The following SLC26A6 variants were observed in gnomAD, a reference collection of about 807,000 sequenced individuals.
SLC26A6 encodes the protein anion exchange transporter.
A neutral mutation model predicts 87.1 loss-of-function variants in SLC26A6; 67 were observed. That is an observed-to-expected ratio of 0.77 (90% CI 0.63 to 0.94). The LOEUF (loss-of-function observed/expected upper bound fraction) is 0.94. Among genes scored for constraint, SLC26A6 ranks in the 40% least tolerant of loss-of-function variants. The pLI, the probability that SLC26A6 is intolerant of heterozygous loss-of-function variation, is 0.00. For synonymous variants in SLC26A6, 414 were observed against 405.9 expected (o/e 1.02, Z -0.24); for missense variants, 902 against 973.0 (o/e 0.93, Z 0.97).
In SLC26A6 at chr3:48,632,057, CA is replaced by C; in HGVS notation, c.586-14del. 1.2e-6 allele frequency: 2 copies of C among 1,612,306 alleles called. No individual in the cohort carries two copies. Among genetic ancestry groups the C allele is most frequent in the Non-Finnish European group, 8.5e-7 (1 of 1,179,350 alleles). ...GGCCCAGCCCCACCTGTGGGGCGGCCAGGGGCAGTCAGGAGAGGCAGGGGTC... is the reference window on the plus strand; with the variant it reads ...GGCCCAGCCCCACCTGTGGGGCGGCCGGGGCAGTCAGGAGAGGCAGGGGTC... On this transcript the variant is annotated splice_polypyrimidine_tract_variant and intron_variant, in intron 5 of 20. Transcript: ENST00000395550.
Position 48,631,772 on chromosome 3 carries a change from G to C in SLC26A6, c.780C>G (p.Pro260=), listed in dbSNP as rs766126229. 1 of 1,613,504 alleles carries C rather than the reference G, an allele frequency of 6.2e-7. No individual in the cohort carries two copies. Among genetic ancestry groups the C allele is most frequent in the Non-Finnish European group, 8.5e-7 (1 of 1,180,000 alleles). The change falls in exon 7 of 21, where the codon CCC becomes CCG. Residue 260 remains proline (P), a synonymous_variant. Coordinates refer to ENST00000395550, the MANE Select transcript of SLC26A6 (RefSeq NM_022911.3). ...YTVLEVCWKL[P]QSKVGTVVTA... ...TGACCACGGTGCCAACCTTGCTCTG[G>C]GGCAGCTTCCAGCAGACCTCCAGCA... is the stretch of plus-strand genomic sequence containing the variant.
intron 12 of SLC26A6, 28 bp downstream of exon 12, chr3:48,630,034 C>G: frequency 1.2e-6 from 2 of 1,613,500 alleles, no homozygotes; most frequent in East Asian, 4.5e-5. Flanking sequence ...GCTGCCCAGT[C>G]CCTGCCCTGG....
intron 17 of SLC26A6, 133 bp from the exon 18 acceptor site, chr3:48,627,188 G>GGA: frequency 9.4e-7 from 1 of 1,067,398 alleles, no homozygotes; most frequent in Non-Finnish European, 1.4e-6. Context: ...AAACATGCGG[G>GGA]AGTCACATAG....
At chr3:48,627,140 G>GCTCCCCATCTGACCTTGC in intron 17 of SLC26A6, 85 bp from the exon 18 acceptor site, 1 of 1,492,212 alleles carries the variant, frequency 6.7e-7, no homozygotes, top group Non-Finnish European at 9.1e-7. Context: ...GAACACGCAA[G>GCTCCCCATCTGACCTTGC]GTCAGATGGG....
intron 17 of SLC26A6, 123 bp downstream of exon 17, chr3:48,627,823 C>T: frequency 2.4e-6 from 2 of 839,000 alleles, no homozygotes; most frequent in Non-Finnish European, 3.6e-6. Context: ...CCCACTCCTC[C>T]TGCCATCGGC....
intron 4 of SLC26A6, chr3:48,632,683 A>C (rs1166645267): frequency 2.9e-6 from 2 of 683,724 alleles, no homozygotes; most frequent in Admixed American, 2.0e-5. Context: ...GGAGTAGGGA[A>C]GGGGTCAGGG....
At position 48,633,088 on chromosome 3, in the gene SLC26A6, G is replaced by A. The variant is rs372513752; in HGVS notation, c.323-4C>T. ...GCCAGGAGGGCGTAGGCCAAGCCTA[G>A]GGGTAGAATGGTAGCAGTGCAGGCC... On this transcript the variant is annotated splice_region_variant and splice_polypyrimidine_tract_variant and intron_variant, in intron 3 of 20. Transcript: ENST00000395550. 6.2e-7 allele frequency: 1 copy of A among 1,610,282 alleles called. No individual in the cohort carries two copies. The highest frequency in any genetic ancestry group is 8.5e-7 in the Non-Finnish European group (1 of 1,178,280).
Position 48,631,008 on chromosome 3 carries a change from C to G in SLC26A6, c.1119G>C (p.Arg373=), listed in dbSNP as rs773786866. 1.2e-6 allele frequency: 2 copies of G among 1,613,758 alleles called. No homozygotes were observed. Among genetic ancestry groups the G allele is most frequent in the Non-Finnish European group, 1.7e-6 (2 of 1,180,002 alleles). ...TCACCCAGACCTGGTTGCTGTCCAC[C>G]CGGTAGCCGTGCCTCAGGGCGAAGA... ...GKIFALRHGY[R]VDSNQELVAL... is the part of the protein sequence containing the mutation. The change falls in exon 9 of 21, where the codon CGG becomes CGC. Residue 373 remains arginine, a synonymous_variant. Coordinates refer to ENST00000395550, the MANE Select transcript of SLC26A6 (RefSeq NM_022911.3).
chr3:48,630,873 A>G (rs2106661793), intron 9 of SLC26A6, 120 bp downstream of exon 9: 3 of 1,533,820 alleles, frequency 2.0e-6, no homozygotes, highest in East Asian at 2.3e-5. Flanking sequence ...TCCCACCCTC[A>G]GTCCCCCACG....
chr3:48,631,519 C>A lies in SLC26A6; in HGVS notation c.903+130G>T, dbSNP rs1329473790. ...ACCAACATAGGGGCTTTCTGCTGTG[C>A]CCCCCACAATACCCAAGAACCCTCC... On this transcript the variant is annotated intron_variant, in intron 7 of 20. Transcript: ENST00000395550. The A allele has an allele frequency of 2.4e-6, 3 of 1,252,620 alleles. No individual in the cohort carries two copies. The East Asian group carries it at 7.6e-5, about 32-fold the overall frequency. 77.6% of individuals were successfully genotyped at this position (1,252,620 alleles called of 1,614,324 possible).
In SLC26A6 at chr3:48,631,975, T is replaced by G; in HGVS notation, c.655A>C (p.Thr219Pro). 2 of 1,613,434 alleles carry G rather than the reference T, an allele frequency of 1.2e-6. No homozygotes were observed. The highest frequency in any genetic ancestry group is 1.7e-6 in the Non-Finnish European group (2 of 1,180,006). The change falls in exon 6 of 21, where the codon ACC becomes CCC. Residue 219 changes from threonine (T) to proline (P), a missense_variant. By Grantham distance (38) the Thr-to-Pro change is conservative. Coordinates refer to ENST00000395550, the MANE Select transcript of SLC26A6 (RefSeq NM_022911.3). ...YLSEPLVRGYTTAAAVQVFVS... is the reference protein window; with the variant it reads ...YLSEPLVRGYPTAAAVQVFVS... ...AAGACCTGCACAGCTGCAGCTGTGG[T>G]ATAGCCTCGGACAAGAGGTTCTGAC...
Position 48,630,453 on chromosome 3 carries a change from G to A in SLC26A6, c.1311C>T (p.Phe437=). The A allele has an allele frequency of 6.4e-7, 1 of 1,557,882 alleles. No homozygotes were observed. The change falls in exon 11 of 21, where the codon TTC becomes TTT. Residue 437 remains phenylalanine, a synonymous_variant. Transcript: ENST00000395550. ...GGGGGCTCACCTTGGGCAGGTCATG[G>A]AAGAGTTCCCCAAGTTTGACAATGA... ...LLIIVKLGEL[F]HDLPKAVLAA... is the part of the protein sequence containing the mutation.
chr3:48,633,740 C>T, intron 1 of SLC26A6, 105 bp from the exon 2 acceptor site: 4 of 1,535,642 alleles, frequency 2.6e-6, no homozygotes, highest in Non-Finnish European at 3.5e-6. Context: ...TTTCCAGGCC[C>T]TAAGATCAAG....
Position 48,629,860 on chromosome 3 carries a change from TGGC to T in SLC26A6, c.1529+9_1529+11del. On this transcript the variant is annotated intron_variant, in intron 13 of 20. Transcript: ENST00000395550. ...ACTAGCTGGAATGAGGGGACCAACA[TGGC>T]GGACTCACATCTGTGTCCGGACCAC... The T allele has an allele frequency of 6.2e-7, 1 of 1,614,026 alleles. No homozygotes were observed. Among genetic ancestry groups the T allele is most frequent in the South Asian group, 1.1e-5 (1 of 91,072 alleles).
rs1012846873 is a variant in SLC26A6 at position 48,630,522 on chromosome 3, G to C, written c.1249-7C>G. ...AAGAGATGGCTCCAGCAACCTGTTC[G>C]GGGAGGGAGTGAGCAGGGGAGAGAC... On this transcript the variant is annotated splice_polypyrimidine_tract_variant and splice_region_variant and intron_variant, in intron 10 of 20. Transcript: ENST00000395550. 3 of 1,559,904 alleles carry C rather than the reference G, an allele frequency of 1.9e-6. No individual in the cohort carries two copies. Among genetic ancestry groups the C allele is most frequent in the East Asian group, 2.4e-5 (1 of 41,412 alleles).
chr3:48,630,095 C>T lies in SLC26A6; in HGVS notation c.1389G>A (p.Met463Ile). The change falls in exon 12 of 21, where the codon ATG (methionine) becomes ATA (isoleucine). Residue 463 changes from methionine (M) to isoleucine (I), a missense_variant. By Grantham distance (10) the Met-to-Ile change is conservative (BLOSUM62 1). Coordinates refer to ENST00000395550, the MANE Select transcript of SLC26A6 (RefSeq NM_022911.3). Reference sequence around the variant, plus strand: ...CCCGATTGGCCTTCCAGAGGGAGCGCATGTCGCTGAGCTGCCTCAGCATGC... The same window carrying T: ...CCCGATTGGCCTTCCAGAGGGAGCGTATGTCGCTGAGCTGCCTCAGCATGC... ...LKGMLRQLSD[M>I]RSLWKANRAD... 6.2e-7 allele frequency: 1 copy of T among 1,612,042 alleles called. No individual in the cohort carries two copies. The highest frequency in any genetic ancestry group is 1.1e-5 in the South Asian group (1 of 91,078).
intron 1 of SLC26A6, chr3:48,634,691 G>C (rs982256645): frequency 1.0e-6 from 1 of 983,634 alleles, no homozygotes; most frequent in Non-Finnish European, 1.2e-6. Flanking sequence ...GAAAAGCCCT[G>C]ACCTGGGGAG....
chr3:48,629,780 C>G (rs1008834947), intron 13 of SLC26A6, 69 bp from the exon 14 acceptor site: 4 of 1,609,452 alleles, frequency 2.5e-6, no homozygotes, highest in East Asian at 2.2e-5. Context: ...TCCGAAGGAG[C>G]CTGAAGTCCC....
Position 48,626,641 on chromosome 3 carries a change from C to G in SLC26A6, c.2118G>C (p.Ala706=). The G allele has an allele frequency of 6.2e-7, 1 of 1,614,166 alleles. No homozygotes were observed. Among genetic ancestry groups the G allele is most frequent in the Non-Finnish European group, 8.5e-7 (1 of 1,180,046 alleles). ...TCCCACCCTACTCACTGTGGCAGGC[C>G]GCCATGTACACCTCCACCTCAATCT... The part of the protein sequence containing the change: ...FREIEVEVYM[A]ACHSPVVSQL... Residue 706 remains alanine (A), a synonymous_variant, in exon 19 of 21, where the codon GCG becomes GCC. Transcript: ENST00000395550.
Sources: gnomAD v4.1 joint callset for allele counts on GRCh38, gnomAD v4.1.1 for gene constraint, MANE v1.5 for transcripts, NCBI Gene and HGNC (gene_info 2026-07-23, HGNC 2026-07-21) for gene names.